SLC35F2: variants seen among roughly 807,000 people sequenced by gnomAD.
SLC35F2 encodes solute carrier family 35 member F2.
SLC35F2 carries 25 observed loss-of-function variants against 38.1 expected under a neutral mutation model. The ratio of observed to expected loss-of-function variants is 0.66; its 90% CI spans 0.48 to 0.92. SLC35F2 has a LOEUF of 0.92. Among genes scored for constraint, SLC35F2 ranks in the 40% least tolerant of loss-of-function variants. The probability of loss-of-function intolerance (pLI) is 0.00; values close to 1 mark genes in which losing one functional copy is unlikely to be tolerated. For synonymous variants in SLC35F2, 173 were observed against 181.7 expected, an observed-to-expected ratio of 0.95 and a Z score of 0.38; for missense variants, 409 against 452.9, an observed-to-expected ratio of 0.90 and a Z score of 0.88.
chr11:107,818,119 A>AGAAAGAAG, intron 1 of SLC35F2, among the ~76,000 whole-genome samples: 1 of 149,006 alleles, frequency 6.7e-6, no homozygotes. Flanking sequence ...AAAGAAAGAA[A>AGAAAGAAG]GAAAGAAAGA....
intron 1 of SLC35F2, among the ~76,000 whole-genome samples, chr11:107,855,785 C>T (rs113473753): frequency 1.4e-4 from 20 of 147,640 alleles, no homozygotes; most frequent in African/African-American, 4.8e-4. Flanking sequence ...AAAACATACC[C>T]GGATTCCAAA....
chr11:107,855,676 C>T (rs1323591785), intron 1 of SLC35F2, among the ~76,000 whole-genome samples: 1 of 151,180 alleles, frequency 6.6e-6, no homozygotes, highest in Non-Finnish European at 1.5e-5. Context: ...CCCATAACTG[C>T]TATTCCACAA....
At chr11:107,853,655 G>C (rs559488194) in intron 1 of SLC35F2, among the ~76,000 whole-genome samples, 1 of 146,682 alleles carries the variant, frequency 6.8e-6, no homozygotes, top group African/African-American at 2.5e-5. Flanking sequence ...GGGAGGCGGA[G>C]CTTGCAGTGA....
intron 1 of SLC35F2, among the ~76,000 whole-genome samples, chr11:107,835,710 C>G (rs531096442): frequency 6.6e-6 from 1 of 151,044 alleles, no homozygotes. Flanking sequence ...ACTCTTATTA[C>G]CATCTCCTTA....
In SLC35F2 at chr11:107,803,118, G is replaced by C; in HGVS notation, c.822C>G (p.Cys274Trp). The C allele has an allele frequency of 6.2e-7, 1 of 1,613,062 alleles. No individual in the cohort carries two copies. The highest frequency in any genetic ancestry group is 8.5e-7 in the Non-Finnish European group (1 of 1,179,718). ...LFVAFALCMFCLYSFMPLVIK... is the reference protein window; with the variant it reads ...LFVAFALCMFWLYSFMPLVIK... ...TCACCAATGGCATGAAGCTGTACAG[G>C]CAAAACATACACAGGGCAAATGCCA... Residue 274 changes from cysteine to tryptophan, a missense_variant, in exon 7 of 8, where the codon TGC (cysteine) becomes TGG (tryptophan). Transcript: ENST00000525815.
At position 107,852,277 on chromosome 11, in the gene SLC35F2, C is replaced by T. The variant is rs187419794; in HGVS notation, c.110+6381G>A. Among the ~76,000 whole-genome samples the T allele has an allele frequency of 2.2e-3, 341 of 152,272 alleles. 3 individuals carry two copies. The highest frequency in any genetic ancestry group is 7.6e-3 in the African/African-American group (316 of 41,562). ...TGCTAAAAACACAATATTGGCTGGG[C>T]ACAGTGGCTCACGCCTGTAATCCCA... On this transcript the variant is annotated intron_variant, in intron 1 of 7. Coordinates refer to ENST00000525815, the MANE Select transcript of SLC35F2 (RefSeq NM_017515.5).
intron 1 of SLC35F2, 177 bp downstream of exon 1, chr11:107,858,481 C>A (rs1033566593): frequency 4.1e-6 from 2 of 485,008 alleles, no homozygotes; most frequent in East Asian, 3.5e-5. Flanking sequence ...CTTCCCGACG[C>A]CAGGTGAAGC....
At chr11:107,818,079 AG>A (rs1565433224) in intron 1 of SLC35F2, among the ~76,000 whole-genome samples, 1 of 87,520 alleles carries the variant, frequency 1.1e-5, no homozygotes, top group Non-Finnish European at 2.4e-5. Flanking sequence ...AAAAAAAGAA[AG>A]AAAGAAAGAA....
chr11:107,858,670 T>A lies in SLC35F2; in HGVS notation c.98A>T (p.Lys33Ile). 1 of 1,301,200 alleles carries A rather than the reference T, an allele frequency of 7.7e-7. No homozygotes were observed. The highest frequency in any genetic ancestry group is 9.8e-7 in the Non-Finnish European group (1 of 1,016,706). The allele number at this position is 1,301,200 out of a possible 1,614,324, so 80.6% of individuals were successfully genotyped here. ...FSSLLRRIKG[K>I]LFTWNILKTI... ...CCCTTCCACTCACCAGGTGAAGAGT[T>A]TGCCTTTTATCCTGCGCAGCAGGCT... The change falls in exon 1 of 8, where the codon AAA becomes ATA. Residue 33 changes from lysine to isoleucine, a missense_variant. Physicochemically the swap from Lys to Ile is moderately radical, Grantham distance 102. Transcript: ENST00000525815.
At chr11:107,852,836 C>T (rs1860209130) in intron 1 of SLC35F2, among the ~76,000 whole-genome samples, 1 of 149,070 alleles carries the variant, frequency 6.7e-6, no homozygotes, top group East Asian at 2.0e-4. Flanking sequence ...GATTGCACCA[C>T]TGCACTCCAG....
At chr11:107,799,887 GTTTTTGTTTTTT>G (rs1320508423) in intron 7 of SLC35F2, among the ~76,000 whole-genome samples, 9 of 100,314 alleles carry the variant, frequency 9.0e-5, no homozygotes, top group East Asian at 4.9e-4. Flanking sequence ...GTTTTTGTTT[GTTTTTGTTTTTT>G]TTTTTTTGAG....
At position 107,843,865 on chromosome 11, in the gene SLC35F2, AAAAATATATATATATATAT is replaced by A. The variant is rs1162528302; in HGVS notation, c.110+14774_110+14792del. Among the ~76,000 whole-genome samples, 84 of 35,356 alleles carry A rather than the reference AAAAATATATATATATATAT, an allele frequency of 2.4e-3. 4 individuals are homozygous for A. The highest frequency in any genetic ancestry group is 9.0e-3 in the African/African-American group (76 of 8,478). 23.2% of individuals were successfully genotyped at this position (35,356 alleles called of 152,430 possible). ...GTATCTTAAAAAAAAAAAAAAAAAA[AAAAATATATATATATATAT>A]ATATATATATATATATATATATATG... On this transcript the variant is annotated intron_variant, in intron 1 of 7. Transcript: ENST00000525815.
At chr11:107,796,431 G>A (rs1405954511) in intron 7 of SLC35F2, among the ~76,000 whole-genome samples, 1 of 152,050 alleles carries the variant, frequency 6.6e-6, no homozygotes, top group Non-Finnish European at 1.5e-5. Context: ...AAACACAATG[G>A]GATACTATTC....
chr11:107,843,863 AAAAAAATATATATATATATATATAT>A (rs1161144498), intron 1 of SLC35F2, among the ~76,000 whole-genome samples: 8 of 33,764 alleles, frequency 2.4e-4, no homozygotes, highest in South Asian at 2.3e-3. Flanking sequence ...AAAAAAAAAA[AAAAAAATATATATATATATATATAT>A]ATATATATAT....
intron 7 of SLC35F2, among the ~76,000 whole-genome samples, chr11:107,795,399 T>C (rs967121151): frequency 1.3e-5 from 2 of 152,178 alleles, no homozygotes; most frequent in Non-Finnish European, 2.9e-5. Context: ...CTTTAGGACA[T>C]TGGTCTAGAC....
At chr11:107,817,248 C>A (rs984884956) in intron 1 of SLC35F2, among the ~76,000 whole-genome samples, 2 of 151,270 alleles carry the variant, frequency 1.3e-5, no homozygotes, top group Non-Finnish European at 2.9e-5. Context: ...TGCATTCCAG[C>A]CTGGGTGACA....
At chr11:107,810,558 T>G in intron 3 of SLC35F2, 1 of 985,378 alleles carries the variant, frequency 1.0e-6, no homozygotes, top group Non-Finnish European at 1.2e-6. Flanking sequence ...ATAAACTTCA[T>G]TCTCTAGGTA....
chr11:107,852,874 CAAAA>C (rs11385907), intron 1 of SLC35F2, among the ~76,000 whole-genome samples: 2 of 120,976 alleles, frequency 1.7e-5, no homozygotes, highest in Non-Finnish European at 1.7e-5. Flanking sequence ...GACTCCATCT[CAAAA>C]AAAAAAAAAA....
intron 1 of SLC35F2, among the ~76,000 whole-genome samples, chr11:107,818,581 A>T (rs1859619715): frequency 6.6e-6 from 1 of 152,182 alleles, no homozygotes; most frequent in Non-Finnish European, 1.5e-5. Flanking sequence ...TCAAAATTTT[A>T]TACAGGCGGC....
Sources: allele counts gnomAD v4.1 joint callset (sites outside exome capture counted in the v4.1 genomes callset), GRCh38; gene constraint gnomAD v4.1.1; transcripts MANE v1.5; gene names NCBI Gene and HGNC (gene_info 2026-07-23, HGNC 2026-07-21).